Variants in PLAAT1 observed in about 807,000 individuals in gnomAD.
PLAAT1 encodes H-REV107 protein-related protein.
PLAAT1 carries 13 observed loss-of-function variants against 16.4 expected under a neutral mutation model. That is an observed-to-expected ratio of 0.79 (90% CI 0.52 to 1.26). PLAAT1 has a LOEUF of 1.26. Among genes scored for constraint, PLAAT1 ranks in the 50% most tolerant of loss-of-function variants. The probability of loss-of-function intolerance (pLI) is 0.00; values close to 1 mark genes in which losing one functional copy is unlikely to be tolerated. For missense variants in PLAAT1, 218 were observed against 207.8 expected (o/e 1.05, Z -0.30); for synonymous variants, 73 against 78.4 (o/e 0.93, Z 0.36).
chr3:193,275,408 G>T (rs961593653), downstream of PLAAT1: 1 of 1,305,702 alleles, frequency 7.7e-7, no homozygotes, highest in Non-Finnish European at 1.1e-6. Flanking sequence ...CCTCTGAGGT[G>T]TGCTCATTGC....
chr3:193,262,913 A>G, intron 2 of PLAAT1, 57 bp from the exon 3 acceptor site: 1 of 1,554,988 alleles, frequency 6.4e-7, no homozygotes, highest in South Asian at 1.2e-5. Context: ...TTTAGATGGC[A>G]GTAGAGTTCA....
downstream of PLAAT1, chr3:193,270,959 C>A (rs1304213518): frequency 7.0e-6 from 4 of 572,634 alleles, no homozygotes; most frequent in East Asian, 2.4e-4. Flanking sequence ...AAGATCTTAA[C>A]AAAATCTCAT....
chr3:193,279,333 G>C (rs762542524), downstream of PLAAT1: 3 of 1,502,902 alleles, frequency 2.0e-6, no homozygotes, highest in Non-Finnish European at 2.8e-6. Context: ...ATGTACATGA[G>C]TCATGCCAGA....
At chr3:193,245,109 G>A (rs1715930270) in intron 1 of PLAAT1, among the ~76,000 whole-genome samples, 1 of 152,116 alleles carries the variant, frequency 6.6e-6, no homozygotes, top group African/African-American at 2.4e-5. Flanking sequence ...ATTATGTGTG[G>A]TCAACATGCA....
chr3:193,267,911 A>C (rs930224461), intron 3 of PLAAT1, among the ~76,000 whole-genome samples: 1 of 152,184 alleles, frequency 6.6e-6, no homozygotes, highest in African/African-American at 2.4e-5. Flanking sequence ...TTTAATAGGC[A>C]TCTTGTTTCA....
At chr3:193,264,182 T>A (rs1345234528) in intron 3 of PLAAT1, among the ~76,000 whole-genome samples, 1 of 152,210 alleles carries the variant, frequency 6.6e-6, no homozygotes, top group East Asian at 1.9e-4. Flanking sequence ...AAATGGTGGA[T>A]CAGTTATACA....
chr3:193,260,104 G>GA (rs1166932828), intron 2 of PLAAT1, among the ~76,000 whole-genome samples: 1 of 152,060 alleles, frequency 6.6e-6, no homozygotes, highest in Non-Finnish European at 1.5e-5. Context: ...AAGCAATGGG[G>GA]AAAGGTCTTC....
Position 193,241,301 on chromosome 3 carries a change from G to A in PLAAT1, c.-233G>A. ...CCCCCCGGCGTGCGGGCGTCTCAGA[G>A]CCGCGGAGGGGCCGCCGGGACCGTT... On this transcript the variant is annotated 5_prime_UTR_variant, in exon 1 of 4. Coordinates refer to ENST00000264735, the MANE Select transcript of PLAAT1 (RefSeq NM_020386.5). The A allele has an allele frequency of 8.1e-7, 1 of 1,230,980 alleles. No individual in the cohort carries two copies. The highest frequency in any genetic ancestry group is 3.2e-5 in the East Asian group (1 of 31,642). The allele number at this position is 1,230,980 out of a possible 1,614,324, so 76.3% of individuals were successfully genotyped here. A position where few individuals can be genotyped will look rare whatever the true frequency, so the allele number is the denominator to read the frequency against.
intron 1 of PLAAT1, among the ~76,000 whole-genome samples, chr3:193,242,782 A>T (rs75362127): frequency 0.028 from 4,219 of 152,312 alleles, 85 homozygotes; most frequent in Middle Eastern, 0.075. Context: ...ACAGGGCTTC[A>T]TGGAAACATC....
At chr3:193,249,806 T>A (rs1400299215) in intron 1 of PLAAT1, among the ~76,000 whole-genome samples, 1 of 151,972 alleles carries the variant, frequency 6.6e-6, no homozygotes, top group Non-Finnish European at 1.5e-5. Flanking sequence ...GTTTTTTCAT[T>A]TCAGTTATAT....
intron 1 of PLAAT1, among the ~76,000 whole-genome samples, chr3:193,252,243 T>C (rs1316422914): frequency 6.6e-6 from 1 of 152,092 alleles, no homozygotes; most frequent in African/African-American, 2.4e-5. Context: ...GTGAACTCAG[T>C]CATCACCAAG....
chr3:193,271,920 A>G (rs13060728), downstream of PLAAT1, among the ~76,000 whole-genome samples: 58,143 of 151,872 alleles, frequency 0.38, 12,777 homozygotes, highest in Non-Finnish European at 0.48. Context: ...GCTGCAGTCC[A>G]GGCCACAGAG....
chr3:193,240,685 G>GTGTGTGTGTGTGT (rs71177395), upstream of PLAAT1, among the ~76,000 whole-genome samples: 5 of 147,004 alleles, frequency 3.4e-5, no homozygotes, highest in Admixed American at 6.8e-5. Context: ...GTGTGTGTGT[G>GTGTGTGTGTGTGT]GTTGGAGGTC....
chr3:193,273,268 TA>T (rs1292322720), downstream of PLAAT1, among the ~76,000 whole-genome samples: 1 of 152,202 alleles, frequency 6.6e-6, no homozygotes, highest in Non-Finnish European at 1.5e-5. Context: ...TTTATAATCA[TA>T]AACTAAAAAT....
intron 1 of PLAAT1, among the ~76,000 whole-genome samples, chr3:193,251,780 T>A (rs1402965504): frequency 5.9e-5 from 9 of 152,142 alleles, no homozygotes; most frequent in African/African-American, 2.2e-4. Context: ...CTTTGTCTAG[T>A]GTGTAGGAGT....
At chr3:193,241,219 A>T (rs888609037), upstream of PLAAT1, 5 of 1,223,450 alleles carry the variant, frequency 4.1e-6, no homozygotes, top group Non-Finnish European at 5.1e-6. Flanking sequence ...GCGGCTCCCC[A>T]TGGTCAGAGC....
chr3:193,256,633 C>T (rs1026809130), intron 2 of PLAAT1, among the ~76,000 whole-genome samples: 3 of 152,078 alleles, frequency 2.0e-5, no homozygotes, highest in Non-Finnish European at 2.9e-5. Context: ...TAAGTGATAA[C>T]GATCAGTGTT....
chr3:193,274,470 TCTC>T (rs1372704696), downstream of PLAAT1, among the ~76,000 whole-genome samples: 1 of 152,200 alleles, frequency 6.6e-6, no homozygotes, highest in Non-Finnish European at 1.5e-5. Context: ...TTAACAAACA[TCTC>T]CTTCATTCTA....
At chr3:193,274,149 A>G (rs1018889703), downstream of PLAAT1, among the ~76,000 whole-genome samples, 26 of 152,126 alleles carry the variant, frequency 1.7e-4, no homozygotes, top group Admixed American at 1.5e-3. Context: ...AGGCTGAGGC[A>G]GGGGAATTGC....
Sources: gnomAD v4.1 joint callset for allele counts (sites outside exome capture counted in the v4.1 genomes callset) on GRCh38, gnomAD v4.1.1 for gene constraint, MANE v1.5 for transcripts, NCBI Gene and HGNC (gene_info 2026-07-23, HGNC 2026-07-21) for gene names.